The following LINGO2 variants were observed in gnomAD, a reference collection of about 807,000 sequenced individuals.
LINGO2 encodes the protein leucine-rich repeat and immunoglobulin-like domain-containing nogo receptor-interacting protein 2.
In LINGO2, 14 loss-of-function variants were observed where a neutral mutation model predicts 30.6. That is an observed-to-expected ratio of 0.46 (90% confidence interval 0.30 to 0.72). LINGO2 has a LOEUF of 0.72. LINGO2 is among the 30% of genes least tolerant of loss of function. LINGO2 has a pLI of 0.07. For missense variants in LINGO2, 729 were observed against 751.7 expected (o/e 0.97, Z 0.35); for synonymous variants, 317 against 288.5 (o/e 1.10, Z -1.00).
chr9:28,912,720 T>TA, the LINGO2 span, among the ~76,000 whole-genome samples: 1 of 152,188 alleles, frequency 6.6e-6, no homozygotes, highest in African/African-American at 2.4e-5. Context: ...CAGTCTTGGC[T>TA]AGTCTACAAA....
intron 4 of LINGO2, among the ~76,000 whole-genome samples, chr9:28,047,162 G>A (rs897618342): frequency 6.6e-6 from 1 of 152,138 alleles, no homozygotes; most frequent in East Asian, 1.9e-4. Context: ...GGTAGGTATT[G>A]CAAGGGTGGA....
the LINGO2 span, among the ~76,000 whole-genome samples, chr9:28,937,375 A>AAC: frequency 6.6e-6 from 1 of 152,196 alleles, no homozygotes; most frequent in Non-Finnish European, 1.5e-5. Flanking sequence ...CTTCCAGAAT[A>AAC]AAATGGTAGG....
the LINGO2 span, among the ~76,000 whole-genome samples, chr9:29,174,939 G>C: frequency 2.6e-5 from 4 of 152,192 alleles, no homozygotes; most frequent in Non-Finnish European, 5.9e-5. Context: ...AGTTGTGTCA[G>C]ATCTTTTAGT....
At chr9:28,660,160 T>C (rs879062568) in intron 1 of LINGO2, among the ~76,000 whole-genome samples, 2 of 152,298 alleles carry the variant, frequency 1.3e-5, no homozygotes, top group East Asian at 1.9e-4. Flanking sequence ...ACCTATATTA[T>C]TGTGAAAGTG....
intron 2 of LINGO2, among the ~76,000 whole-genome samples, chr9:28,389,801 A>G (rs1821752653): frequency 6.6e-6 from 1 of 152,234 alleles, no homozygotes; most frequent in Admixed American, 6.5e-5. Flanking sequence ...TGTATTATGT[A>G]GTTGAATAAT....
rs561055197 is a variant in LINGO2 at position 28,049,460 on chromosome 9, A to G, written c.-86-37055T>C. Among the ~76,000 whole-genome samples the G allele has an allele frequency of 4.6e-5, 7 of 150,682 alleles. No individual in the cohort carries two copies. The South Asian group carries it at 1.5e-3, about 32-fold the overall frequency. On this transcript the variant is annotated intron_variant, in intron 4 of 5. Coordinates refer to ENST00000379992, the Ensembl canonical transcript of LINGO2. ...GGGTAGAGTTAGCGAGGCAAAAAGGATAAGTGGCTGGAGGAAAGACATTGC... is the reference window on the plus strand; with the variant it reads ...GGGTAGAGTTAGCGAGGCAAAAAGGGTAAGTGGCTGGAGGAAAGACATTGC...
chr9:28,210,131 A>G (rs1820539746), intron 4 of LINGO2, among the ~76,000 whole-genome samples: 1 of 151,726 alleles, frequency 6.6e-6, no homozygotes, highest in South Asian at 2.1e-4. Context: ...TATTAAATTC[A>G]AGGTCCAGAT....
intron 1 of LINGO2, among the ~76,000 whole-genome samples, chr9:28,595,943 T>A (rs1825153977): frequency 1.3e-5 from 2 of 152,166 alleles, no homozygotes; most frequent in Admixed American, 6.5e-5. Flanking sequence ...TAAAACACAT[T>A]GCTTTTTTAA....
At chr9:28,056,093 G>C (rs1824929993) in intron 4 of LINGO2, among the ~76,000 whole-genome samples, 1 of 152,158 alleles carries the variant, frequency 6.6e-6, no homozygotes, top group African/African-American at 2.4e-5. Flanking sequence ...CCCGCTTTCA[G>C]TGAGCAAAGG....
At chr9:29,062,221 C>G in the LINGO2 span, among the ~76,000 whole-genome samples, 1 of 152,050 alleles carries the variant, frequency 6.6e-6, no homozygotes, top group Middle Eastern at 3.4e-3. Flanking sequence ...AAATTAGAAG[C>G]CTGTGCACTG....
upstream of LINGO2, among the ~76,000 whole-genome samples, chr9:28,670,754 T>C (rs1471581837): frequency 1.3e-5 from 2 of 152,128 alleles, no homozygotes; most frequent in African/African-American, 4.8e-5. Context: ...CCATAAAATG[T>C]AGGAAATGAT....
chr9:28,476,310 C>T (rs1312732626), intron 1 of LINGO2, among the ~76,000 whole-genome samples: 1 of 152,198 alleles, frequency 6.6e-6, no homozygotes, highest in African/African-American at 2.4e-5. Context: ...GAGTCTCGCT[C>T]TGTCGCCCAG....
At chr9:29,153,911 C>T in the LINGO2 span, among the ~76,000 whole-genome samples, 1 of 152,160 alleles carries the variant, frequency 6.6e-6, no homozygotes, top group African/African-American at 2.4e-5. Flanking sequence ...CTCAGAACAA[C>T]TGCCTCAACC....
At chr9:28,487,735 C>G (rs986708177) in intron 1 of LINGO2, among the ~76,000 whole-genome samples, 12 of 152,156 alleles carry the variant, frequency 7.9e-5, no homozygotes, top group African/African-American at 2.7e-4. Context: ...TAGCTACATT[C>G]AGACTTGATC....
At chr9:28,056,251 C>T (rs1256329596) in intron 4 of LINGO2, among the ~76,000 whole-genome samples, 1 of 152,092 alleles carries the variant, frequency 6.6e-6, no homozygotes, top group Non-Finnish European at 1.5e-5. Context: ...AAACACTGCA[C>T]TTGGGGCGTG....
intron 2 of LINGO2, among the ~76,000 whole-genome samples, chr9:28,426,002 C>A (rs1179376989): frequency 6.6e-6 from 1 of 151,946 alleles, no homozygotes; most frequent in Non-Finnish European, 1.5e-5. Context: ...CTATAATTTG[C>A]TTTGCTTCAG....
At chr9:28,199,273 G>A (rs1374242631) in intron 4 of LINGO2, among the ~76,000 whole-genome samples, 5 of 151,928 alleles carry the variant, frequency 3.3e-5, no homozygotes, top group Non-Finnish European at 4.4e-5. Flanking sequence ...TTAAATCCAA[G>A]GGTTATTTTT....
the LINGO2 span, among the ~76,000 whole-genome samples, chr9:29,194,191 A>G: frequency 1.3e-4 from 20 of 152,168 alleles, no homozygotes; most frequent in Admixed American, 1.2e-3. Context: ...GGTGCTCATT[A>G]ATGAGCACTA....
At chr9:28,542,613 T>C (rs1418881530) in intron 1 of LINGO2, among the ~76,000 whole-genome samples, 1 of 151,842 alleles carries the variant, frequency 6.6e-6, no homozygotes, top group African/African-American at 2.4e-5. Context: ...ATTTAAGTTC[T>C]TTTTTTTAAT....
Sources: gnomAD v4.1 joint callset for allele counts (sites outside exome capture counted in the v4.1 genomes callset) on GRCh38, gnomAD v4.1.1 for gene constraint, MANE v1.5 for transcripts, NCBI Gene and HGNC (gene_info 2026-07-23, HGNC 2026-07-21) for gene names.